PRR5L: variants seen among roughly 807,000 people sequenced by gnomAD.
PRR5L encodes the protein proline-rich protein 5-like.
A neutral mutation model predicts 36.4 loss-of-function variants in PRR5L; 21 were observed. The ratio of observed to expected loss-of-function variants is 0.58; its 90% confidence interval spans 0.41 to 0.83. PRR5L has a LOEUF of 0.83. Among genes scored for constraint, PRR5L ranks in the 40% least tolerant of loss-of-function variants. The pLI is 0.00. For missense variants in PRR5L, 381 were observed against 473.3 expected (o/e 0.80, Z 1.81); for synonymous variants, 188 against 197.0 (o/e 0.95, Z 0.38).
At chr11:36,405,132 C>T (rs1857882451) in intron 3 of PRR5L, among the ~76,000 whole-genome samples, 1 of 152,118 alleles carries the variant, frequency 6.6e-6, no homozygotes, top group Non-Finnish European at 1.5e-5. Context: ...CAGATTTCAC[C>T]AGCCCAGGTA....
chr11:36,447,575 C>T (rs1422553442), intron 7 of PRR5L, among the ~76,000 whole-genome samples: 1 of 152,200 alleles, frequency 6.6e-6, no homozygotes, highest in African/African-American at 2.4e-5. Context: ...TAGCTCTGAG[C>T]CCTTCCTCAG....
rs112994452 is a variant in PRR5L at position 36,296,815 on chromosome 11, T to C, written c.-126+377T>C. 1.2e-3 allele frequency among the ~76,000 whole-genome samples: 176 copies of C among 152,346 alleles called. 1 individual carries two copies. The highest frequency in any genetic ancestry group is 4.1e-3 in the African/African-American group (170 of 41,586). ...TCTCTCATTGAATGAATAGTAATGA[T>C]AGCAAACCCTTATACAACATGCCTC... is the stretch of plus-strand genomic sequence containing the variant. On this transcript the variant is annotated intron_variant, in intron 1 of 8. Transcript: ENST00000530639.
chr11:36,404,902 G>T (rs1397438104), intron 3 of PRR5L, among the ~76,000 whole-genome samples: 1 of 152,160 alleles, frequency 6.6e-6, no homozygotes, highest in Non-Finnish European at 1.5e-5. Flanking sequence ...AGTGACAGGG[G>T]CAAAGTGGGG....
intron 3 of PRR5L, among the ~76,000 whole-genome samples, chr11:36,407,534 G>T (rs920850716): frequency 1.3e-5 from 2 of 152,186 alleles, no homozygotes; most frequent in African/African-American, 4.8e-5. Flanking sequence ...AGAGCCAGCT[G>T]TTTCTCCTTT....
chr11:36,300,611 A>G (rs1214741926), intron 1 of PRR5L, among the ~76,000 whole-genome samples: 1 of 152,160 alleles, frequency 6.6e-6, no homozygotes, highest in Non-Finnish European at 1.5e-5. Context: ...GGAGGTACTT[A>G]ACCTAAAGAT....
chr11:36,366,857 C>T (rs1857149063), intron 1 of PRR5L, among the ~76,000 whole-genome samples: 1 of 152,156 alleles, frequency 6.6e-6, no homozygotes, highest in African/African-American at 2.4e-5. Flanking sequence ...AATTCTTTCA[C>T]AGTAGAGTTT....
intron 1 of PRR5L, among the ~76,000 whole-genome samples, chr11:36,324,673 T>TTG (rs1279697147): frequency 6.6e-6 from 1 of 152,182 alleles, no homozygotes; most frequent in Non-Finnish European, 1.5e-5. Context: ...AGCATGACAT[T>TTG]TAACATTAAG....
At chr11:36,382,958 G>A (rs1046964820) in intron 1 of PRR5L, among the ~76,000 whole-genome samples, 1 of 152,092 alleles carries the variant, frequency 6.6e-6, no homozygotes, top group African/African-American at 2.4e-5. Context: ...TTAAAAATAA[G>A]GTGATAGAGA....
At chr11:36,384,698 T>A (rs1280398451) in intron 1 of PRR5L, among the ~76,000 whole-genome samples, 1 of 151,992 alleles carries the variant, frequency 6.6e-6, no homozygotes, top group African/African-American at 2.4e-5. Context: ...TTGGAGATAG[T>A]GTCTCACTTT....
At chr11:36,411,896 G>A (rs1858035264) in intron 3 of PRR5L, among the ~76,000 whole-genome samples, 2 of 152,206 alleles carry the variant, frequency 1.3e-5, no homozygotes, top group Non-Finnish European at 2.9e-5. Context: ...GATGCGAGAA[G>A]CAGTGGGCTG....
chr11:36,376,946 G>C (rs1468029064), intron 1 of PRR5L, among the ~76,000 whole-genome samples: 2 of 152,120 alleles, frequency 1.3e-5, no homozygotes, highest in Non-Finnish European at 2.9e-5. Flanking sequence ...ACCATGGTGG[G>C]GAGGTGGGCA....
intron 1 of PRR5L, among the ~76,000 whole-genome samples, chr11:36,297,767 G>A (rs1436624371): frequency 1.3e-5 from 2 of 152,198 alleles, no homozygotes; most frequent in Non-Finnish European, 2.9e-5. Flanking sequence ...TCCCAGTGGA[G>A]ACTTTTCTCC....
intron 1 of PRR5L, among the ~76,000 whole-genome samples, chr11:36,367,578 C>A (rs1184351045): frequency 1.3e-5 from 2 of 152,148 alleles, no homozygotes; most frequent in Non-Finnish European, 2.9e-5. Flanking sequence ...ATTGATTGAC[C>A]TAAGGTTTGG....
intron 3 of PRR5L, among the ~76,000 whole-genome samples, chr11:36,409,464 C>G (rs1857980662): frequency 6.6e-6 from 1 of 152,186 alleles, no homozygotes. Context: ...TGTGTTTGAT[C>G]TCTGACAGGT....
At chr11:36,311,994 A>G (rs983292485) in intron 1 of PRR5L, among the ~76,000 whole-genome samples, 5 of 152,204 alleles carry the variant, frequency 3.3e-5, no homozygotes, top group Non-Finnish European at 5.9e-5. Flanking sequence ...AAAAGTGCCA[A>G]TAAAATGGGA....
chr11:36,452,720 T>C (rs1232699606), intron 8 of PRR5L, among the ~76,000 whole-genome samples: 1 of 152,232 alleles, frequency 6.6e-6, no homozygotes, highest in East Asian at 1.9e-4. Context: ...TGTCAGGACG[T>C]CAGCAGGTTA....
chr11:36,372,678 C>T (rs1857209106), intron 1 of PRR5L, among the ~76,000 whole-genome samples: 3 of 152,100 alleles, frequency 2.0e-5, no homozygotes, highest in East Asian at 1.9e-4. Context: ...GGAAACTGCA[C>T]GTTCTCCCTA....
intron 1 of PRR5L, among the ~76,000 whole-genome samples, chr11:36,354,555 G>A (rs996206766): frequency 3.3e-5 from 5 of 152,054 alleles, no homozygotes; most frequent in African/African-American, 1.2e-4. Flanking sequence ...TGAAAGTAGA[G>A]GTCATTTTTT....
At chr11:36,350,590 T>C (rs1238308304) in intron 1 of PRR5L, among the ~76,000 whole-genome samples, 1 of 151,950 alleles carries the variant, frequency 6.6e-6, no homozygotes, top group Middle Eastern at 3.2e-3. Flanking sequence ...TTTGGTTACA[T>C]GAATAAGTTC....
Sources: allele counts gnomAD v4.1 joint callset (sites outside exome capture counted in the v4.1 genomes callset), GRCh38; gene constraint gnomAD v4.1.1; transcripts MANE v1.5; gene names NCBI Gene and HGNC (gene_info 2026-07-23, HGNC 2026-07-21).